Variants in DST observed in about 807,000 individuals in gnomAD.
The protein encoded by DST is bullous pemphigoid antigen.
In DST, 253 loss-of-function variants were observed where a neutral mutation model predicts 875.2. The observed-to-expected ratio is 0.29, with a 90% CI of 0.26 to 0.32. The LOEUF is 0.32. DST is among the 10% of genes least tolerant of loss of function. The pLI, the probability that DST is intolerant of heterozygous loss-of-function variation, is 1.00. For synonymous variants in DST, 3,124 were observed against 3,197.1 expected, an observed-to-expected ratio of 0.98 and a Z score of 0.77; for missense variants, 8,287 against 9,111.6, an observed-to-expected ratio of 0.91 and a Z score of 3.68.
chr6:56,600,351 A>G (rs1400238800), intron 44 of DST, 130 bp from the exon 45 acceptor site: 7 of 809,530 alleles, frequency 8.6e-6, no homozygotes, highest in Non-Finnish European at 1.2e-5. Context: ...TGTAAACATG[A>G]TAGCAGTAGG....
intron 4 of DST, among the ~76,000 whole-genome samples, chr6:56,771,106 A>G (rs1393712497): frequency 6.6e-6 from 1 of 152,106 alleles, no homozygotes. Context: ...TCTTCTGGTC[A>G]ATATAAACAC....
chr6:56,746,930 C>T (rs1410905180), intron 4 of DST, among the ~76,000 whole-genome samples: 1 of 152,060 alleles, frequency 6.6e-6, no homozygotes, highest in Non-Finnish European at 1.5e-5. Flanking sequence ...AGGCTGATGG[C>T]TGCAGGAGGG....
chr6:56,900,303 G>T, intron 3 of DST, 118 bp downstream of exon 3: 1 of 833,812 alleles, frequency 1.2e-6, no homozygotes, highest in Non-Finnish European at 1.7e-6. Context: ...GCCACTTGTT[G>T]GGAATAACAA....
rs185212815 is a variant in DST at position 56,520,933 on chromosome 6, T to C, written c.18130-3313A>G. Reference sequence around the variant, plus strand: ...AATTTATTTTTTGATATTGAAAATTTAATATCGTCAAGTTTATAGGTAGAC... The same window carrying C: ...AATTTATTTTTTGATATTGAAAATTCAATATCGTCAAGTTTATAGGTAGAC... On this transcript the variant is annotated intron_variant, in intron 69 of 103. Coordinates refer to ENST00000680361, the MANE Select transcript of DST (RefSeq NM_001374736.1). Among the ~76,000 whole-genome samples, 125 of 152,174 alleles carry C rather than the reference T, an allele frequency of 8.2e-4. 2 individuals carry two copies. The East Asian group carries it at 0.022, about 27-fold the overall frequency.
intron 9 of DST, among the ~76,000 whole-genome samples, chr6:56,678,233 C>T (rs1348827284): frequency 2.6e-5 from 4 of 152,228 alleles, no homozygotes; most frequent in Non-Finnish European, 4.4e-5. Context: ...TGCTTTGTTT[C>T]TTCATTTCAG....
intron 9 of DST, 53 bp downstream of exon 9, chr6:56,699,600 A>C: frequency 1.2e-6 from 1 of 832,222 alleles, no homozygotes; most frequent in South Asian, 1.6e-5. Flanking sequence ...CCTTCATAGG[A>C]ACCACCTGAA....
At chr6:56,780,027 C>G (rs2099689400) in intron 4 of DST, among the ~76,000 whole-genome samples, 1 of 151,496 alleles carries the variant, frequency 6.6e-6, no homozygotes, top group Non-Finnish European at 1.5e-5. Flanking sequence ...TTTCCAATTT[C>G]ATCCATGTCC....
chr6:56,704,379 GA>G lies in DST; in HGVS notation c.688-11del. The G allele has an allele frequency of 6.9e-7, 1 of 1,450,482 alleles. No homozygotes were observed. The highest frequency in any genetic ancestry group is 9.4e-7 in the Non-Finnish European group (1 of 1,066,706). The allele number at this position is 1,450,482 out of a possible 1,614,324, so 89.9% of individuals were successfully genotyped here. On this transcript the variant is annotated splice_polypyrimidine_tract_variant and intron_variant, in intron 5 of 103. Coordinates refer to ENST00000680361, the MANE Select transcript of DST (RefSeq NM_001374736.1). ...TCACATGTTTTCGAACCTATAAAGA[GA>G]AAAGCAAAATTTGGGGTCCTAGAAC...
At chr6:56,650,897 G>T in intron 12 of DST, 29 bp downstream of exon 12, 1 of 1,413,892 alleles carries the variant, frequency 7.1e-7, no homozygotes, top group Non-Finnish European at 9.9e-7. Flanking sequence ...TGAATCAACA[G>T]CTTCCGGTGT....
intron 100 of DST, 187 bp downstream of exon 100, chr6:56,464,496 CAT>C: frequency 1.7e-6 from 1 of 599,756 alleles, no homozygotes; most frequent in South Asian, 2.1e-5. Flanking sequence ...ATAACACCTG[CAT>C]GTGTAACACA....
chr6:56,763,219 G>A (rs1299251944), intron 4 of DST, among the ~76,000 whole-genome samples: 1 of 152,066 alleles, frequency 6.6e-6, no homozygotes, highest in East Asian at 1.9e-4. Flanking sequence ...ATGACCATGT[G>A]TTCTAGTTTT....
At chr6:56,845,736 C>A (rs574326776) in intron 4 of DST, among the ~76,000 whole-genome samples, 1 of 152,210 alleles carries the variant, frequency 6.6e-6, no homozygotes, top group East Asian at 1.9e-4. Flanking sequence ...ATTGAAGGCA[C>A]GTCTGAGCCT....
At chr6:56,633,150 G>T (rs973884724) in intron 27 of DST, 113 bp from the exon 28 acceptor site, 2 of 839,796 alleles carry the variant, frequency 2.4e-6, no homozygotes, top group Non-Finnish European at 2.0e-6. Context: ...ATCATAAATA[G>T]GAACATTTGA....
At chr6:56,581,492 T>C (rs181748665) in intron 49 of DST, among the ~76,000 whole-genome samples, 20 of 152,194 alleles carry the variant, frequency 1.3e-4, no homozygotes, top group Admixed American at 4.6e-4. Context: ...ATTTAATGAG[T>C]AGCAGTCCCC....
chr6:56,601,315 T>A (rs1383366632), intron 44 of DST, 128 bp downstream of exon 44: 4 of 625,380 alleles, frequency 6.4e-6, no homozygotes, highest in East Asian at 5.5e-5. Flanking sequence ...AGGATTTGTA[T>A]GTACACTGTA....
At chr6:56,721,552 T>C (rs1390703383) in intron 5 of DST, among the ~76,000 whole-genome samples, 3 of 152,246 alleles carry the variant, frequency 2.0e-5, no homozygotes, top group Non-Finnish European at 4.4e-5. Flanking sequence ...TCTTCTGCCA[T>C]GGCTTCAGCC....
intron 9 of DST, among the ~76,000 whole-genome samples, chr6:56,679,372 G>A (rs1210286572): frequency 6.6e-6 from 1 of 151,850 alleles, no homozygotes; most frequent in Non-Finnish European, 1.5e-5. Context: ...ACAAATTCCA[G>A]GTCTGCAACC....
chr6:56,681,479 C>T (rs1159114406), intron 9 of DST, among the ~76,000 whole-genome samples: 1 of 152,250 alleles, frequency 6.6e-6, no homozygotes, highest in Non-Finnish European at 1.5e-5. Flanking sequence ...TACTCCTCCA[C>T]TCATCCTTCT....
chr6:56,666,848 A>C (rs2099074855), intron 10 of DST, among the ~76,000 whole-genome samples: 1 of 150,652 alleles, frequency 6.6e-6, no homozygotes, highest in African/African-American at 2.4e-5. Context: ...CTATCCACCC[A>C]CCTCAGACTC....
Sources: gnomAD v4.1 joint callset for allele counts (sites outside exome capture counted in the v4.1 genomes callset) on GRCh38, gnomAD v4.1.1 for gene constraint, MANE v1.5 for transcripts, NCBI Gene and HGNC (gene_info 2026-07-23, HGNC 2026-07-21) for gene names.